The following CLPX variants were observed in gnomAD, a reference collection of about 807,000 sequenced individuals.
CLPX encodes the protein caseinolytic mitochondrial matrix peptidase chaperone subunit X.
Under a neutral mutation model 76.4 loss-of-function variants are expected in CLPX, and 34 were observed. The ratio of observed to expected loss-of-function variants is 0.45; its 90% CI spans 0.34 to 0.59. The LOEUF is 0.59. Among genes scored for constraint, CLPX ranks in the 20% least tolerant of loss-of-function variants. CLPX has a pLI of 0.01. For missense variants in CLPX, 613 were observed against 757.0 expected (o/e 0.81, Z 2.23); for synonymous variants, 248 against 270.9 (o/e 0.92, Z 0.83).
chr15:65,178,994 C>T lies in CLPX; in HGVS notation c.298G>A (p.Gly100Arg), dbSNP rs1250337676. 1 of 1,612,172 alleles carries T rather than the reference C, an allele frequency of 6.2e-7. No individual in the cohort carries two copies. The highest frequency in any genetic ancestry group is 8.5e-7 in the Non-Finnish European group (1 of 1,178,720). ...CATTTAGGACAGCGCAGCTGGTTTC[C>T]ACCTTTCCCAGAATTCCCAGAGCCT... ...KSGSGNSGKG[G>R]NQLRCPKCGD... is the part of the protein sequence containing the mutation. The change falls in exon 3 of 14, where the codon GGA becomes AGA. Residue 100 changes from glycine to arginine, a missense_variant. Gly to Arg is a moderately radical substitution (Grantham distance 125). Around this residue, in one of 2 missense-constraint regions of CLPX, gnomAD observed 450 missense variants for 638.6 expected, o/e 0.70. Coordinates refer to ENST00000300107, the MANE Select transcript of CLPX (RefSeq NM_006660.5).
At chr15:65,150,968 A>T in intron 13 of CLPX, 55 bp from the exon 14 acceptor site, 1 of 1,248,978 alleles carries the variant, frequency 8.0e-7, no homozygotes, top group Non-Finnish European at 1.1e-6. Context: ...GGTAAACATG[A>T]TCTTTAAAAT....
chr15:65,185,305 C>G lies in CLPX; in HGVS notation c.-152G>C, dbSNP rs2088245070. ...TTCACCTGCCCGGCAGCCAGGCCTT[C>G]ACGCTTCTCTGCCCCACAGCCGTCT... On this transcript the variant is annotated 5_prime_UTR_variant, in exon 1 of 14. Coordinates refer to ENST00000300107, the MANE Select transcript of CLPX (RefSeq NM_006660.5). 6.5e-6 allele frequency: 4 copies of G among 617,622 alleles called. No individual in the cohort carries two copies. In the East Asian group the frequency reaches 1.1e-4, roughly 18 times the overall value. 38.3% of individuals were successfully genotyped at this position (617,622 alleles called of 1,614,324 possible).
intron 3 of CLPX, 67 bp downstream of exon 3, chr15:65,178,866 AT>A: frequency 1.1e-6 from 1 of 875,080 alleles, no homozygotes; most frequent in Admixed American, 2.3e-5. Flanking sequence ...TAATTTACAT[AT>A]TTTTATACAC....
In CLPX at chr15:65,149,060, C is replaced by CA. The variant is rs1595934042; in HGVS notation, c.*1762dup. 6.6e-6 allele frequency: 1 copy of CA among 151,874 alleles called. No individual in the cohort carries two copies. The highest frequency in any genetic ancestry group is 1.5e-5 in the Non-Finnish European group (1 of 67,972). The allele number at this position is 151,874 out of a possible 1,614,324, so 9.4% of individuals were successfully genotyped here. A position where few individuals can be genotyped will look rare whatever the true frequency, so the allele number is the denominator to read the frequency against. On this transcript the variant is annotated 3_prime_UTR_variant, in exon 14 of 14. Coordinates refer to ENST00000300107, the MANE Select transcript of CLPX (RefSeq NM_006660.5). ...AGAATTAGACCAAAATGTTCAGCAC[C>CA]AAAAAACAAAACAAAAAAACTAGCT...
At chr15:65,169,157 G>A (rs987108658) in intron 3 of CLPX, among the ~76,000 whole-genome samples, 3 of 151,860 alleles carry the variant, frequency 2.0e-5, no homozygotes, top group Admixed American at 2.0e-4. Flanking sequence ...CCGAGTAGCT[G>A]GGACTACAGG....
At chr15:65,169,166 G>C (rs2087962706) in intron 3 of CLPX, among the ~76,000 whole-genome samples, 1 of 151,974 alleles carries the variant, frequency 6.6e-6, no homozygotes. Flanking sequence ...TGGGACTACA[G>C]GCGCCTCTCG....
At chr15:65,179,587 A>G (rs1017877138) in intron 2 of CLPX, among the ~76,000 whole-genome samples, 1 of 152,250 alleles carries the variant, frequency 6.6e-6, no homozygotes, top group East Asian at 1.9e-4. Context: ...ACTCAATACA[A>G]CTACCAACAT....
Position 65,185,328 on chromosome 15 carries a change from T to C in CLPX, c.-175A>G, listed in dbSNP as rs913528345. 9 of 585,510 alleles carry C rather than the reference T, an allele frequency of 1.5e-5. No homozygotes were observed. Among genetic ancestry groups the C allele is most frequent in the African/African-American group, 1.3e-4 (7 of 52,218 alleles). 36.3% of individuals were successfully genotyped at this position (585,510 alleles called of 1,614,324 possible). On this transcript the variant is annotated 5_prime_UTR_variant, in exon 1 of 14. Coordinates refer to ENST00000300107, the MANE Select transcript of CLPX (RefSeq NM_006660.5). ...TTCACGCTTCTCTGCCCCACAGCCG[T>C]CTATTCACCAGAGTAGACACCCAAC...
At chr15:65,153,842 C>T (rs561514431) in intron 11 of CLPX, among the ~76,000 whole-genome samples, 8 of 152,220 alleles carry the variant, frequency 5.3e-5, no homozygotes, top group Middle Eastern at 3.4e-3. Flanking sequence ...TAGATTAACA[C>T]GGACTCCCTA....
At chr15:65,158,799 T>G (rs760273759) in intron 6 of CLPX, 48 bp from the exon 7 acceptor site, 51 of 1,456,164 alleles carry the variant, frequency 3.5e-5, no homozygotes, top group Non-Finnish European at 4.7e-5. Flanking sequence ...TGAATTTACT[T>G]GAAGAAAATG....
chr15:65,164,670 T>C (rs941973911), intron 4 of CLPX, among the ~76,000 whole-genome samples: 2 of 152,206 alleles, frequency 1.3e-5, no homozygotes, highest in African/African-American at 2.4e-5. Flanking sequence ...ATACTATCAG[T>C]ATCTATGTGT....
chr15:65,156,832 T>G lies in CLPX; in HGVS notation c.1146+12A>C, dbSNP rs1472305039. 5 of 1,593,668 alleles carry G rather than the reference T, an allele frequency of 3.1e-6. No individual in the cohort carries two copies. The highest frequency in any genetic ancestry group is 2.7e-5 in the African/African-American group (2 of 74,528). ...CTTTTAGTGGGCTTGAACAAAATAC[T>G]CAACTGCTTACTTGCTGAACGCCTT... On this transcript the variant is annotated intron_variant, in intron 9 of 13. Coordinates refer to ENST00000300107, the MANE Select transcript of CLPX (RefSeq NM_006660.5).
At chr15:65,160,929 G>C (rs922184492) in intron 6 of CLPX, among the ~76,000 whole-genome samples, 3 of 152,152 alleles carry the variant, frequency 2.0e-5, no homozygotes, top group African/African-American at 7.2e-5. Flanking sequence ...GCAGGCTAGT[G>C]TAGTAGTTAG....
rs1312603872 is a variant in CLPX, at chr15:65,148,960, TTA to T, written c.*1861_*1862del. The T allele has an allele frequency of 6.6e-6, 1 of 152,238 alleles. No homozygotes were observed. Among genetic ancestry groups the T allele is most frequent in the Non-Finnish European group, 1.5e-5 (1 of 68,032 alleles). The allele number at this position is 152,238 out of a possible 1,614,324, so 9.4% of individuals were successfully genotyped here. ...TTGCTGTATAATGAAGGTTAGTAAC[TTA>T]TATGTTAGTGTGAACACATTTACTT... On this transcript the variant is annotated 3_prime_UTR_variant, in exon 14 of 14. Transcript: ENST00000300107.
At chr15:65,171,502 G>A (rs2088006646) in intron 3 of CLPX, among the ~76,000 whole-genome samples, 1 of 151,842 alleles carries the variant, frequency 6.6e-6, no homozygotes, top group South Asian at 2.1e-4. Flanking sequence ...AGGAATAAGC[G>A]GTTTCATCCA....
rs776072567 is a variant in CLPX at position 65,155,014 on chromosome 15, G to T, written c.1379C>A (p.Ala460Asp). 15 of 1,613,932 alleles carry T rather than the reference G, an allele frequency of 9.3e-6. No homozygotes were observed. Among genetic ancestry groups the T allele is most frequent in the Non-Finnish European group, 1.2e-5 (14 of 1,180,012 alleles). Residue 460 changes from alanine to aspartate, a missense_variant, in exon 11 of 14, where the codon GCT becomes GAT. Ala to Asp is a moderately radical substitution (Grantham distance 126, BLOSUM62 -2). Around this residue, in one of 2 missense-constraint regions of CLPX, gnomAD observed 450 missense variants for 638.6 expected, o/e 0.70. Coordinates refer to ENST00000300107, the MANE Select transcript of CLPX (RefSeq NM_006660.5). ...AGTATTCGATTCCCCACTTCGATTA[G>T]CAAGGTCTGCAGCAGCTGCAGCCCT... ...GRRAAAAADL[A>D]NRSGESNTHQ...
intron 6 of CLPX, among the ~76,000 whole-genome samples, chr15:65,161,266 T>C (rs2087853520): frequency 6.6e-6 from 1 of 152,148 alleles, no homozygotes; most frequent in African/African-American, 2.4e-5. Flanking sequence ...AAAAGCCAAT[T>C]GTGTCAGTCC....
intron 3 of CLPX, among the ~76,000 whole-genome samples, chr15:65,178,396 A>C (rs916729079): frequency 7.2e-5 from 11 of 152,234 alleles, no homozygotes; most frequent in Non-Finnish European, 1.5e-4. Flanking sequence ...TATCTCTTAC[A>C]CAACAGTGCA....
intron 11 of CLPX, among the ~76,000 whole-genome samples, chr15:65,154,366 A>G (rs1317021947): frequency 2.6e-5 from 4 of 152,200 alleles, no homozygotes; most frequent in Non-Finnish European, 4.4e-5. Context: ...TTGTTATCCA[A>G]TTGGGTATGT....
Sources: gnomAD v4.1 joint callset for allele counts (sites outside exome capture counted in the v4.1 genomes callset) on GRCh38, gnomAD v4.1.1 for gene constraint, gnomAD v4.1.1 regional missense constraint, MANE v1.5 for transcripts, NCBI Gene and HGNC (gene_info 2026-07-23, HGNC 2026-07-21) for gene names.